GRID1: variants seen among roughly 807,000 people sequenced by gnomAD.
GRID1 encodes glutamate receptor ionotropic, delta-1.
In GRID1, 28 loss-of-function variants were observed where a neutral mutation model predicts 98.0. That is an observed-to-expected ratio of 0.29 (90% CI 0.21 to 0.39). The LOEUF (loss-of-function observed/expected upper bound fraction) is 0.39. Among genes scored for constraint, GRID1 ranks in the 10% least tolerant of loss-of-function variants. The pLI, the probability that GRID1 is intolerant of heterozygous loss-of-function variation, is 1.00. For missense variants in GRID1, 1,111 were observed against 1,340.5 expected (o/e 0.83, Z 2.67); for synonymous variants, 553 against 538.5 (o/e 1.03, Z -0.37).
At chr10:86,219,694 CT>C (rs1371679819) in intron 2 of GRID1, among the ~76,000 whole-genome samples, 1 of 152,212 alleles carries the variant, frequency 6.6e-6, no homozygotes, top group Non-Finnish European at 1.5e-5. Flanking sequence ...ATCCCAGGTC[CT>C]TTCTGTTCTT....
At chr10:85,635,226 G>C (rs11201707) in intron 13 of GRID1, among the ~76,000 whole-genome samples, 15 of 152,120 alleles carry the variant, frequency 9.9e-5, no homozygotes, top group Non-Finnish European at 1.8e-4. Context: ...ACCCAAAGCA[G>C]AATAATTTAA....
At chr10:86,234,976 G>T (rs1846514392) in intron 2 of GRID1, among the ~76,000 whole-genome samples, 1 of 152,212 alleles carries the variant, frequency 6.6e-6, no homozygotes, top group South Asian at 2.1e-4. Flanking sequence ...GGGGAGAGGA[G>T]AAAGCACAGT....
chr10:86,245,517 CATTT>C, intron 2 of GRID1, among the ~76,000 whole-genome samples: 1 of 144,914 alleles, frequency 6.9e-6, no homozygotes, highest in South Asian at 2.3e-4. Context: ...CCTCCTCTAC[CATTT>C]GCTTTACTCC....
intron 4 of GRID1, among the ~76,000 whole-genome samples, chr10:86,108,306 T>G (rs1844424646): frequency 6.6e-6 from 1 of 152,136 alleles, no homozygotes; most frequent in Non-Finnish European, 1.5e-5. Flanking sequence ...CTTCCCCCAG[T>G]AAAACAGAGA....
rs1474751630 is a variant in GRID1 at position 86,192,488 on chromosome 10, A to T, written c.520+13876T>A. ...TATATGAGGCCCCTAGAATAGTCAAAGTCAAGAGACAGGAAGGAGAACAGT... is the reference window on the plus strand; with the variant it reads ...TATATGAGGCCCCTAGAATAGTCAATGTCAAGAGACAGGAAGGAGAACAGT... On this transcript the variant is annotated intron_variant, in intron 3 of 15. Transcript: ENST00000327946. This position sits in a 1 kb window ranked among gnomAD's most constrained non-coding sequence, Gnocchi z 4.8. Among the ~76,000 whole-genome samples the T allele has an allele frequency of 6.6e-6, 1 of 152,088 alleles. No homozygotes were observed. The highest frequency in any genetic ancestry group is 1.9e-4 in the East Asian group (1 of 5,176).
intron 4 of GRID1, among the ~76,000 whole-genome samples, chr10:86,016,943 A>G (rs2131884522): frequency 6.6e-6 from 1 of 152,338 alleles, no homozygotes; most frequent in East Asian, 1.9e-4. Context: ...TGAGTCTAGC[A>G]TGGCCTAAGT....
chr10:85,853,678 C>T (rs1223095867), intron 8 of GRID1, among the ~76,000 whole-genome samples: 1 of 152,204 alleles, frequency 6.6e-6, no homozygotes, highest in African/African-American at 2.4e-5. Context: ...AGGATACCCA[C>T]CATCAGCTCC....
At chr10:85,987,804 A>C (rs568012764) in intron 4 of GRID1, among the ~76,000 whole-genome samples, 1 of 151,548 alleles carries the variant, frequency 6.6e-6, no homozygotes, top group Non-Finnish European at 1.5e-5. Flanking sequence ...TATACCTTGC[A>C]TCTGAATGGG....
At chr10:86,000,878 T>C (rs540742939) in intron 4 of GRID1, among the ~76,000 whole-genome samples, 6 of 152,228 alleles carry the variant, frequency 3.9e-5, no homozygotes, top group Admixed American at 3.9e-4. Flanking sequence ...TCAACAAGAA[T>C]AAAAAATTCA....
chr10:85,871,123 G>T (rs760179609), intron 5 of GRID1, among the ~76,000 whole-genome samples: 1 of 152,084 alleles, frequency 6.6e-6, no homozygotes, highest in Admixed American at 6.5e-5. Context: ...CCCATCATAC[G>T]TTGAAAATAT....
chr10:85,814,173 A>T (rs2131746219), intron 8 of GRID1, among the ~76,000 whole-genome samples: 1 of 151,928 alleles, frequency 6.6e-6, no homozygotes, highest in Middle Eastern at 3.4e-3. Context: ...GACAAAAAGC[A>T]ATACCCTGCC....
At chr10:86,315,772 C>T (rs1173167300) in intron 2 of GRID1, among the ~76,000 whole-genome samples, 1 of 152,012 alleles carries the variant, frequency 6.6e-6, no homozygotes, top group African/African-American at 2.4e-5. Flanking sequence ...CTCCCACTCA[C>T]ACTCTATCAA....
At chr10:85,895,016 A>AAATATATATATATAT (rs766551035) in intron 5 of GRID1, among the ~76,000 whole-genome samples, 7 of 97,098 alleles carry the variant, frequency 7.2e-5, no homozygotes, top group Non-Finnish European at 1.4e-4. Context: ...AAAAAAAAAA[A>AAATATATATATATAT]ATATATATAT....
Position 85,607,799 on chromosome 10 carries a change from T to C in GRID1, c.2602-5098A>G, listed in dbSNP as rs571175810. On this transcript the variant is annotated intron_variant, in intron 15 of 15. Coordinates refer to ENST00000327946, the MANE Select transcript of GRID1 (RefSeq NM_017551.3). ...ACCAGGTTCCCAAACCTGGGCTCTT[T>C]CCTTTTCCTTTTTTTTTTTTTTTTG... Among the ~76,000 whole-genome samples the C allele has an allele frequency of 3.3e-3, 490 of 149,958 alleles. 5 individuals are homozygous for C. The highest frequency in any genetic ancestry group is 0.012 in the African/African-American group (472 of 40,850).
At chr10:85,737,674 A>G (rs908907290) in intron 8 of GRID1, among the ~76,000 whole-genome samples, 9 of 115,184 alleles carry the variant, frequency 7.8e-5, no homozygotes, top group African/African-American at 3.3e-4. Flanking sequence ...ATATATATAT[A>G]AACATATATG....
At chr10:85,903,923 A>T (rs1439021962) in intron 5 of GRID1, among the ~76,000 whole-genome samples, 1 of 152,126 alleles carries the variant, frequency 6.6e-6, no homozygotes, top group African/African-American at 2.4e-5. Flanking sequence ...TCTCATGGGC[A>T]CCCTATGTAA....
At chr10:86,143,893 G>C (rs1015907484) in intron 3 of GRID1, among the ~76,000 whole-genome samples, 2 of 152,164 alleles carry the variant, frequency 1.3e-5, no homozygotes, top group African/African-American at 4.8e-5. Context: ...CGGTGCCCAG[G>C]TCAGGCCTTG....
At chr10:85,877,317 C>T (rs1482772535) in intron 5 of GRID1, among the ~76,000 whole-genome samples, 2 of 152,206 alleles carry the variant, frequency 1.3e-5, no homozygotes, top group Non-Finnish European at 2.9e-5. Flanking sequence ...CAAGTGGGTC[C>T]CTGACCCCCG....
chr10:86,162,692 G>A (rs1341764536), intron 3 of GRID1, among the ~76,000 whole-genome samples: 1 of 152,216 alleles, frequency 6.6e-6, no homozygotes, highest in Non-Finnish European at 1.5e-5. Context: ...GCACACTAGT[G>A]GACAGGTGAG....
Sources: allele counts gnomAD v4.1 joint callset (sites outside exome capture counted in the v4.1 genomes callset), GRCh38; gene constraint gnomAD v4.1.1; non-coding constraint Gnocchi (gnomAD v3.1); transcripts MANE v1.5; gene names NCBI Gene and HGNC (gene_info 2026-07-23, HGNC 2026-07-21).